The following DEPDC4 variants were observed in gnomAD, a reference collection of about 807,000 sequenced individuals.
DEPDC4 encodes DEP domain-containing protein 4.
Under a neutral mutation model 52.0 loss-of-function variants are expected in DEPDC4, and 52 were observed. The observed-to-expected ratio is 1.00, with a 90% CI of 0.80 to 1.26. DEPDC4 has a LOEUF of 1.26. Among genes scored for constraint, DEPDC4 ranks in the 50% most tolerant of loss-of-function variants. The pLI, the probability that DEPDC4 is intolerant of heterozygous loss-of-function variation, is 0.00. For missense variants in DEPDC4, 530 were observed against 546.9 expected (o/e 0.97, Z 0.31); for synonymous variants, 201 against 196.8 (o/e 1.02, Z -0.18).
chr12:100,243,483 TC>T (rs1053126940), intron 8 of DEPDC4, among the ~76,000 whole-genome samples: 10 of 152,116 alleles, frequency 6.6e-5, no homozygotes, highest in Admixed American at 6.6e-4. Context: ...CTTAATAGTA[TC>T]CCCCAACTTC....
intron 3 of DEPDC4, among the ~76,000 whole-genome samples, chr12:100,261,482 G>A (rs376462967): frequency 1.1e-4 from 16 of 152,230 alleles, no homozygotes; most frequent in African/African-American, 3.6e-4. Context: ...TAGTAAAGAG[G>A]AGTGGTGCAA....
At chr12:100,255,090 T>C (rs74825821) in intron 4 of DEPDC4, among the ~76,000 whole-genome samples, 2,565 of 152,322 alleles carry the variant, frequency 0.017, 68 homozygotes, top group African/African-American at 0.059. Context: ...ATTCATTGTC[T>C]TCTAGATCCT....
chr12:100,263,630 G>T lies in DEPDC4; in HGVS notation c.421C>A (p.Leu141Ile), dbSNP rs1747877253. The T allele has an allele frequency of 3.7e-6, 6 of 1,613,558 alleles. No homozygotes were observed. In the South Asian group the frequency reaches 5.5e-5, roughly 15 times the overall value. The change falls in exon 2 of 10, where the codon CTT becomes ATT. Residue 141 changes from leucine to isoleucine, a missense_variant. Physicochemically the swap from Leu to Ile is conservative, Grantham distance 5. Transcript: ENST00000550587. ...TCTAATTCCTTTTCTTTTTTGAAAA[G>T]CTTCTTCATTCCTACTGGTTCAAAT... is the stretch of plus-strand genomic sequence containing the variant. ...KVFEPVGMKK[L>I]FKKEKELEFE...
intron 9 of DEPDC4, among the ~76,000 whole-genome samples, chr12:100,234,695 G>A (rs1030250990): frequency 1.3e-5 from 2 of 152,176 alleles, no homozygotes; most frequent in South Asian, 4.1e-4. Context: ...TTATGAATCA[G>A]ACCGTTAATG....
chr12:100,251,057 G>A (rs187359239), intron 7 of DEPDC4, among the ~76,000 whole-genome samples: 1 of 152,188 alleles, frequency 6.6e-6, no homozygotes, highest in Admixed American at 6.5e-5. Flanking sequence ...TAAGGTCACA[G>A]AACTGTTACA....
intron 1 of DEPDC4, among the ~76,000 whole-genome samples, chr12:100,264,273 G>A (rs2096264205): frequency 6.6e-6 from 1 of 152,146 alleles, no homozygotes; most frequent in Non-Finnish European, 1.5e-5. Flanking sequence ...CAAACTCTTT[G>A]CCTTTTCTTT....
chr12:100,281,413 G>GA, the DEPDC4 span, among the ~76,000 whole-genome samples: 6 of 152,142 alleles, frequency 3.9e-5, no homozygotes, highest in African/African-American at 7.2e-5. Context: ...TGGGCTAGGT[G>GA]TGGTGGCTTA....
chr12:100,279,756 G>A, the DEPDC4 span, among the ~76,000 whole-genome samples: 1 of 152,182 alleles, frequency 6.6e-6, no homozygotes, highest in Non-Finnish European at 1.5e-5. Context: ...TCTGGCTGAT[G>A]AGATATCAAA....
chr12:100,281,378 C>G, the DEPDC4 span, among the ~76,000 whole-genome samples: 18 of 151,990 alleles, frequency 1.2e-4, no homozygotes, highest in Admixed American at 7.9e-4. Context: ...GTTTTAATAA[C>G]AAAACTTTTT....
At chr12:100,275,251 G>T in the DEPDC4 span, among the ~76,000 whole-genome samples, 1 of 151,684 alleles carries the variant, frequency 6.6e-6, no homozygotes, top group Non-Finnish European at 1.5e-5. Context: ...ACCCAGGCTG[G>T]AGTGCATTAG....
At chr12:100,255,000 A>T (rs950555270) in intron 4 of DEPDC4, among the ~76,000 whole-genome samples, 1 of 152,252 alleles carries the variant, frequency 6.6e-6, no homozygotes, top group Non-Finnish European at 1.5e-5. Context: ...TGCTGGGATT[A>T]CAGGCCCTTT....
the DEPDC4 span, among the ~76,000 whole-genome samples, chr12:100,274,277 C>T: frequency 2.6e-5 from 4 of 152,142 alleles, no homozygotes; most frequent in African/African-American, 4.8e-5. Flanking sequence ...ACATGTGCTC[C>T]TCTTGCACAT....
Position 100,266,241 on chromosome 12 carries a change from T to C in DEPDC4, c.157+679A>G, listed in dbSNP as rs1566331624. Among the ~76,000 whole-genome samples the C allele has an allele frequency of 5.9e-5, 9 of 152,240 alleles. No individual in the cohort carries two copies. In the South Asian group the frequency reaches 1.9e-3, roughly 32 times the overall value. On this transcript the variant is annotated intron_variant, in intron 1 of 9. Coordinates refer to ENST00000550587, the MANE Select transcript of DEPDC4 (RefSeq NM_001364818.2). Reference sequence around the variant, plus strand: ...GCAAAAGTATGCCCAACTATACATATGTTTACGATAAAATGACAGAAATAA... The same window carrying C: ...GCAAAAGTATGCCCAACTATACATACGTTTACGATAAAATGACAGAAATAA...
chr12:100,267,863 C>T (rs1304436935), upstream of DEPDC4: 1 of 152,772 alleles, frequency 6.5e-6, no homozygotes. Flanking sequence ...GCCCTGCCGC[C>T]CGCCGTCCTT....
intron 8 of DEPDC4, among the ~76,000 whole-genome samples, chr12:100,245,649 T>C (rs2153905381): frequency 6.6e-6 from 1 of 152,278 alleles, no homozygotes; most frequent in South Asian, 2.1e-4. Flanking sequence ...TTCCTTCCTC[T>C]TCATCCCTCA....
At chr12:100,257,057 T>C (rs1416970327) in intron 3 of DEPDC4, among the ~76,000 whole-genome samples, 1 of 152,020 alleles carries the variant, frequency 6.6e-6, no homozygotes, top group Non-Finnish European at 1.5e-5. Context: ...CATAATACTT[T>C]GTTTTTCCTT....
the DEPDC4 span, among the ~76,000 whole-genome samples, chr12:100,281,847 AAAAG>A: frequency 2.4e-4 from 37 of 152,068 alleles, no homozygotes; most frequent in African/African-American, 8.9e-4. Context: ...AAAAAAAAAA[AAAAG>A]AAAGTACAAA....
chr12:100,259,816 A>G (rs1400065240), intron 3 of DEPDC4, among the ~76,000 whole-genome samples: 3 of 152,190 alleles, frequency 2.0e-5, no homozygotes, highest in African/African-American at 4.8e-5. Context: ...AGGGTGGGGA[A>G]CTGCTATTTT....
upstream of DEPDC4, chr12:100,267,084 C>T (rs755368390): frequency 6.2e-7 from 1 of 1,611,706 alleles, no homozygotes; most frequent in Non-Finnish European, 8.5e-7. Flanking sequence ...CATAGCCCCG[C>T]CCCACCTGAC....
Sources: gnomAD v4.1 joint callset for allele counts (sites outside exome capture counted in the v4.1 genomes callset) on GRCh38, gnomAD v4.1.1 for gene constraint, MANE v1.5 for transcripts, NCBI Gene and HGNC (gene_info 2026-07-23, HGNC 2026-07-21) for gene names.